ZFP64: variants seen among roughly 807,000 people sequenced by gnomAD.
ZFP64 encodes the protein zinc finger protein 64.
In ZFP64, 14 loss-of-function variants were observed where a neutral mutation model predicts 51.6. The observed-to-expected ratio is 0.27, with a 90% CI of 0.18 to 0.42. The LOEUF is 0.42. ZFP64 is among the 10% of genes least tolerant of loss of function. The pLI, the probability that ZFP64 is intolerant of heterozygous loss-of-function variation, is 1.00. For missense variants in ZFP64, 754 were observed against 906.8 expected, an observed-to-expected ratio of 0.83 and a Z score of 2.16; for synonymous variants, 375 against 361.4, an observed-to-expected ratio of 1.04 and a Z score of -0.43.
intron 5 of ZFP64, among the ~76,000 whole-genome samples, chr20:52,134,918 A>C (rs6096786): frequency 0.17 from 25,421 of 152,108 alleles, 2,267 homozygotes; most frequent in Non-Finnish European, 0.2. Flanking sequence ...GTTGGAGGGC[A>C]GTGGCACAAT....
chr20:52,112,006 C>T (rs933926999), intron 5 of ZFP64, among the ~76,000 whole-genome samples: 29 of 149,844 alleles, frequency 1.9e-4, no homozygotes, highest in African/African-American at 7.2e-4. Flanking sequence ...CGCTTGAACC[C>T]AGGAGGCAGA....
At chr20:52,175,867 C>G in intron 2 of ZFP64, 1 of 735,860 alleles carries the variant, frequency 1.4e-6, no homozygotes, top group Non-Finnish European at 1.7e-6. Context: ...CGCTGCCGCC[C>G]CCGCCCCCAA....
chr20:52,148,034 A>G (rs1980609274), downstream of ZFP64, among the ~76,000 whole-genome samples: 1 of 152,198 alleles, frequency 6.6e-6, no homozygotes, highest in South Asian at 2.1e-4. Context: ...TAAAATACTG[A>G]TGCAATTTCA....
At chr20:52,097,345 T>C (rs778960124) in intron 7 of ZFP64, 4 of 1,603,886 alleles carry the variant, frequency 2.5e-6, no homozygotes, top group Non-Finnish European at 3.4e-6. Flanking sequence ...TCTTTCTTAC[T>C]GAGCTGTTGA....
chr20:52,173,635 T>A (rs1982931235), intron 2 of ZFP64, among the ~76,000 whole-genome samples: 1 of 151,834 alleles, frequency 6.6e-6, no homozygotes, highest in Admixed American at 6.6e-5. Context: ...CATGGCAATA[T>A]ACATCCTTGC....
intron 5 of ZFP64, among the ~76,000 whole-genome samples, chr20:52,155,263 C>G (rs78288630): frequency 6.6e-6 from 1 of 152,110 alleles, no homozygotes; most frequent in South Asian, 2.1e-4. Context: ...TTTCCGCTGG[C>G]GACAACTTTA....
At chr20:52,102,820 T>A (rs2079067492) in intron 5 of ZFP64, among the ~76,000 whole-genome samples, 1 of 152,230 alleles carries the variant, frequency 6.6e-6, no homozygotes, top group Non-Finnish European at 1.5e-5. Context: ...TTAGCTTAGA[T>A]GAAGTTCTTT....
At position 52,176,505 on chromosome 20, in the gene ZFP64, C is replaced by CTT. The variant is rs557663780; in HGVS notation, c.286+10325_286+10326dup. Among the ~76,000 whole-genome samples, 35 of 136,730 alleles carry CTT rather than the reference C, an allele frequency of 2.6e-4. 1 individual carries two copies. Among genetic ancestry groups the CTT allele is most frequent in the African/African-American group, 7.5e-4 (27 of 36,158 alleles). 89.7% of individuals were successfully genotyped at this position (136,730 alleles called of 152,430 possible). ...ATTTCTAGCTTCTGGTTCAATCTCT[C>CTT]TTTTTTTTTTTTTTTGAGACGGAGT... On this transcript the variant is annotated intron_variant, in intron 2 of 5. Transcript: ENST00000216923.
rs182715742 is a variant in ZFP64 at position 52,144,664 on chromosome 20, C to T, written c.763+15459G>A. On this transcript the variant is annotated intron_variant, in intron 5 of 8. Coordinates refer to the ZFP64 transcript ENST00000361387. ...AGAGAAATAAATAAAAGCAAAAGTG[C>T]TACTTTTACTTTAATACAAATGACT... Among the ~76,000 whole-genome samples the T allele has an allele frequency of 1.7e-4, 25 of 144,284 alleles. No homozygotes were observed. In the East Asian group the frequency reaches 4.9e-3, roughly 28 times the overall value. The allele number at this position is 144,284 out of a possible 152,430, so 94.7% of individuals were successfully genotyped here. A position where few individuals can be genotyped will look rare whatever the true frequency, so the allele number is the denominator to read the frequency against.
chr20:52,175,767 C>A (rs1983145449), intron 2 of ZFP64, among the ~76,000 whole-genome samples: 1 of 152,148 alleles, frequency 6.6e-6, no homozygotes, highest in Non-Finnish European at 1.5e-5. Context: ...TCGCTTGAAC[C>A]CAGGAGGCAG....
At chr20:52,095,440 TG>T (rs59676580) in intron 7 of ZFP64, among the ~76,000 whole-genome samples, 30,471 of 152,112 alleles carry the variant, frequency 0.2, 3,508 homozygotes, top group African/African-American at 0.31. Context: ...TGGAACATCA[TG>T]GTGCAGAAAT....
intron 5 of ZFP64, among the ~76,000 whole-genome samples, chr20:52,158,389 C>A (rs1259245328): frequency 1.3e-5 from 2 of 152,100 alleles, no homozygotes; most frequent in Non-Finnish European, 2.9e-5. Flanking sequence ...GGGATAAAGG[C>A]GGACTGTGGT....
At chr20:52,178,051 GAAAGAAA>G (rs1179076517) in intron 2 of ZFP64, among the ~76,000 whole-genome samples, 4 of 149,998 alleles carry the variant, frequency 2.7e-5, no homozygotes, top group African/African-American at 9.8e-5. Context: ...AAAAAAGAAA[GAAAGAAA>G]AAAGAAAAAA....
At chr20:52,097,163 T>C (rs2078997574) in intron 7 of ZFP64, 9 of 789,334 alleles carry the variant, frequency 1.1e-5, no homozygotes, top group Non-Finnish European at 1.9e-5. Flanking sequence ...AAGATGACTA[T>C]AGCCACAGGC....
chr20:52,111,197 ATTTTTTTT>A (rs771671628), intron 5 of ZFP64: 2,192 of 466,060 alleles, frequency 4.7e-3, no homozygotes, highest in South Asian at 6.9e-3. Context: ...TCAGCGGTCA[ATTTTTTTT>A]TTTTTTTTTT....
intron 5 of ZFP64, among the ~76,000 whole-genome samples, chr20:52,133,560 C>T (rs1321621651): frequency 1.3e-5 from 2 of 152,108 alleles, no homozygotes; most frequent in Non-Finnish European, 2.9e-5. Context: ...TTTCTATACG[C>T]CAACAGTGAA....
rs73618762 is a variant in ZFP64, at chr20:52,187,198, T to G, written c.47-127A>C. The G allele has an allele frequency of 2.5e-3, 2,280 of 921,658 alleles. 48 individuals are homozygous for G. In the East Asian group the frequency reaches 0.049, roughly 20 times the overall value. The allele number at this position is 921,658 out of a possible 1,614,324, so 57.1% of individuals were successfully genotyped here. On this transcript the variant is annotated intron_variant, in intron 1 of 5. Coordinates refer to ENST00000216923, the MANE Select transcript of ZFP64 (RefSeq NM_018197.3). The stretch of plus-strand genomic sequence containing the variant: ...GGCTGGGTAGTGGCCCAGTATCCAC[T>G]CCACCTTCCTCTTCCTGCGAACTGC...
Position 52,160,395 on chromosome 20 carries a change from A to G in ZFP64, c.512-21T>C, listed in dbSNP as rs899578703. ...GTCTCCTTCAAACACATACACACAC[A>G]GATGGCAGCAGGAAACAAGATTAAA... On this transcript the variant is annotated intron_variant, in intron 4 of 5. Coordinates refer to ENST00000216923, the MANE Select transcript of ZFP64 (RefSeq NM_018197.3). The surrounding 1 kb of genome is among the most constrained non-coding windows in gnomAD (Gnocchi z 4.2). 4 of 1,577,872 alleles carry G rather than the reference A, an allele frequency of 2.5e-6. No individual in the cohort carries two copies. Among genetic ancestry groups the G allele is most frequent in the Non-Finnish European group, 3.4e-6 (4 of 1,160,918 alleles).
At chr20:52,144,602 A>AAAAAAAAAAAAAAAAAAAAAAC (rs1980431158) in intron 5 of ZFP64, among the ~76,000 whole-genome samples, 1 of 145,126 alleles carries the variant, frequency 6.9e-6, no homozygotes, top group African/African-American at 2.6e-5. Flanking sequence ...AAAAAAAAAA[A>AAAAAAAAAAAAAAAAAAAAAAC]TGCTGAAAGC....
Sources: gnomAD v4.1 joint callset for allele counts (sites outside exome capture counted in the v4.1 genomes callset) on GRCh38, gnomAD v4.1.1 for gene constraint, Gnocchi (gnomAD v3.1) non-coding constraint, MANE v1.5 for transcripts, NCBI Gene and HGNC (gene_info 2026-07-23, HGNC 2026-07-21) for gene names.